The following FRMPD3 variants were observed in gnomAD, a reference collection of about 807,000 sequenced individuals.
FRMPD3 encodes the protein FERM and PDZ domain-containing protein 3.
FRMPD3 carries 42 observed loss-of-function variants against 97.9 expected under a neutral mutation model. That is an observed-to-expected ratio of 0.43 (90% CI 0.34 to 0.55). The LOEUF (loss-of-function observed/expected upper bound fraction) is 0.55. Among genes scored for constraint, FRMPD3 ranks in the 20% least tolerant of loss-of-function variants. FRMPD3 has a pLI of 0.03. For missense variants in FRMPD3, 1,303 were observed against 1,457.7 expected (o/e 0.89, Z 1.73); for synonymous variants, 577 against 581.1 (o/e 0.99, Z 0.10).
chrX:107,549,924 C>T (rs924094724), intron 5 of FRMPD3, 125 bp from the exon 6 acceptor site: 17 of 478,074 alleles, frequency 3.6e-5, no homozygotes, highest in Middle Eastern at 4.2e-4. Flanking sequence ...TCTGTCTCTG[C>T]CCTCCTACAC....
chrX:107,485,341 C>T (rs1352394340), intron 1 of FRMPD3, among the ~76,000 whole-genome samples: 9 of 112,141 alleles, frequency 8.0e-5, no homozygotes, highest in African/African-American at 2.9e-4. Flanking sequence ...ATTTTCTTTT[C>T]GGGAGAAGGG....
chrX:107,567,545 G>A (rs1922657796), intron 12 of FRMPD3, among the ~76,000 whole-genome samples: 1 of 112,137 alleles, frequency 8.9e-6, no homozygotes, highest in Non-Finnish European at 1.9e-5. Context: ...AATTAGCAGA[G>A]AGAAGTGGGA....
Position 107,550,121 on chromosome X carries a change from A to G in FRMPD3, c.475A>G (p.Lys159Glu). The G allele has an allele frequency of 8.3e-7, 1 of 1,203,737 alleles. No homozygotes were observed. The highest frequency in any genetic ancestry group is 1.1e-6 in the Non-Finnish European group (1 of 889,739). ...LKVFLENGQI[K>E]SFTFDGRTTV... ...GGTTTTCTTAGAAAATGGGCAGATC[A>G]AGTCATTCACATTTGATGGTCGGAC... The change falls in exon 6 of 15, where the codon AAG becomes GAG. Residue 159 changes from lysine to glutamate, a missense_variant. Lys to Glu is a moderately conservative substitution (Grantham distance 56). Transcript: ENST00000683843.
chrX:107,461,302 A>G (rs1328017354), intron 1 of FRMPD3, among the ~76,000 whole-genome samples: 1 of 111,114 alleles, frequency 9.0e-6, no homozygotes, highest in Non-Finnish European at 1.9e-5. Context: ...CTTACCCTCC[A>G]CGCTGAAAGC....
chrX:107,492,265 C>A (rs1240106930), intron 1 of FRMPD3, among the ~76,000 whole-genome samples: 1 of 111,778 alleles, frequency 8.9e-6, no homozygotes, highest in Non-Finnish European at 1.9e-5. Flanking sequence ...AAACCAATGG[C>A]AATTCACAGC....
intron 4 of FRMPD3, among the ~76,000 whole-genome samples, chrX:107,534,466 G>A (rs1156264267): frequency 1.8e-5 from 2 of 110,995 alleles, no homozygotes; most frequent in African/African-American, 6.6e-5. Context: ...AGGCTTCAAG[G>A]AGGAGGCTGC....
intron 1 of FRMPD3, among the ~76,000 whole-genome samples, chrX:107,520,031 A>G (rs1159482340): frequency 9.0e-6 from 1 of 111,191 alleles, no homozygotes; most frequent in Non-Finnish European, 1.9e-5. Context: ...GAAAAATGGG[A>G]TAAGAGTGTA....
At chrX:107,480,824 C>CA (rs59051211) in intron 1 of FRMPD3, among the ~76,000 whole-genome samples, 419 of 30,913 alleles carry the variant, frequency 0.014, 4 homozygotes, top group African/African-American at 0.034. Flanking sequence ...GAAACTCCGT[C>CA]AAAAAAAAAA....
intron 4 of FRMPD3, among the ~76,000 whole-genome samples, chrX:107,537,366 T>C (rs1921034325): frequency 8.9e-6 from 1 of 111,864 alleles, no homozygotes; most frequent in East Asian, 2.8e-4. Flanking sequence ...GCTGGGAATA[T>C]AGCAGTGCAC....
intron 4 of FRMPD3, among the ~76,000 whole-genome samples, chrX:107,539,164 C>T (rs1287341153): frequency 1.8e-5 from 2 of 112,247 alleles, no homozygotes; most frequent in East Asian, 2.8e-4. Flanking sequence ...TGAAAAGGCT[C>T]ACCAAATGAT....
In FRMPD3 at chrX:107,565,016, C is replaced by T. The variant is rs753907921; in HGVS notation, c.1246C>T (p.Arg416Trp). 4.7e-5 allele frequency: 56 copies of T among 1,203,664 alleles called. No homozygotes were observed. The highest frequency in any genetic ancestry group is 1.4e-4 in the African/African-American group (8 of 57,170). Residue 416 changes from arginine (R) to tryptophan (W), a missense_variant, in exon 12 of 15, where the codon CGG becomes TGG. Around this residue, in one of 3 missense-constraint regions of FRMPD3, gnomAD observed 535 missense variants for 618.6 expected, o/e 0.86. Transcript: ENST00000683843. ...CAAGATCAGCAAGATCCAGCTGTTC[C>T]GGGAGAACCAGGGCGTGGCCCGGGT... is the stretch of plus-strand genomic sequence containing the variant. ...FSKISKIQLF[R>W]ENQGVARVET...
At chrX:107,541,810 G>A (rs1411378615) in intron 4 of FRMPD3, among the ~76,000 whole-genome samples, 2 of 112,352 alleles carry the variant, frequency 1.8e-5, no homozygotes, top group East Asian at 2.8e-4. Context: ...AGCCTGCTGT[G>A]GGGGAACAAC....
At chrX:107,514,640 C>T (rs947976718) in intron 1 of FRMPD3, among the ~76,000 whole-genome samples, 3 of 109,165 alleles carry the variant, frequency 2.7e-5, no homozygotes, top group Non-Finnish European at 5.7e-5. Flanking sequence ...ATTCTCCTGC[C>T]TCAGCCTCCC....
rs1288173889 is a variant in FRMPD3 at position 107,604,261 on chromosome X, C to G, written c.*888C>G. The G allele has an allele frequency of 1.6e-5, 1 of 62,225 alleles. No individual in the cohort carries two copies. Among genetic ancestry groups the G allele is most frequent in the Non-Finnish European group, 2.8e-5 (1 of 35,203 alleles). 5.1% of individuals were successfully genotyped at this position (62,225 alleles called of 1,213,427 possible). On this transcript the variant is annotated 3_prime_UTR_variant, in exon 15 of 15. Transcript: ENST00000683843. ...AGACAGACTGTCCTTGGGAGTTTGACTTAGCTGTGGATCGGGGAGGGGGGT... is the reference window on the plus strand; with the variant it reads ...AGACAGACTGTCCTTGGGAGTTTGAGTTAGCTGTGGATCGGGGAGGGGGGT...
In FRMPD3 at chrX:107,604,969, G is replaced by C. The variant is rs1202609789; in HGVS notation, c.*1596G>C. The C allele has an allele frequency of 2.7e-5, 3 of 109,668 alleles. No homozygotes were observed. Among genetic ancestry groups the C allele is most frequent in the Non-Finnish European group, 5.7e-5 (3 of 52,714 alleles). 9.0% of individuals were successfully genotyped at this position (109,668 alleles called of 1,213,427 possible). A position where few individuals can be genotyped will look rare whatever the true frequency, so the allele number is the denominator to read the frequency against. On this transcript the variant is annotated 3_prime_UTR_variant, in exon 15 of 15. Transcript: ENST00000683843. The stretch of plus-strand genomic sequence containing the variant: ...TCTCCTCCCCCAGGACCAAGTTGTT[G>C]AATGGGCCAGAGATGCAGCCAGTGG...
At chrX:107,585,120 A>G (rs1923586724) in intron 13 of FRMPD3, among the ~76,000 whole-genome samples, 1 of 111,250 alleles carries the variant, frequency 9.0e-6, no homozygotes, top group Admixed American at 9.6e-5. Context: ...CATTTCCTTG[A>G]GCAGTGGTTT....
intron 4 of FRMPD3, among the ~76,000 whole-genome samples, chrX:107,534,963 A>G (rs1164869682): frequency 8.9e-6 from 1 of 112,092 alleles, no homozygotes; most frequent in Non-Finnish European, 1.9e-5. Context: ...GTTGTTACCA[A>G]TAGTCCCCTC....
At chrX:107,477,351 G>A (rs1694363043) in intron 1 of FRMPD3, among the ~76,000 whole-genome samples, 1 of 108,835 alleles carries the variant, frequency 9.2e-6, no homozygotes, top group Non-Finnish European at 1.9e-5. Context: ...CAGGAGGGGG[G>A]CTGGGGGGTG....
chrX:107,506,963 T>C (rs1462164313), intron 1 of FRMPD3, among the ~76,000 whole-genome samples: 1 of 110,901 alleles, frequency 9.0e-6, no homozygotes, highest in African/African-American at 3.3e-5. Flanking sequence ...ACGAGAGGGT[T>C]CCCGGGCCGG....
Sources: gnomAD v4.1 joint callset for allele counts (sites outside exome capture counted in the v4.1 genomes callset) on GRCh38, gnomAD v4.1.1 for gene constraint, gnomAD v4.1.1 regional missense constraint, MANE v1.5 for transcripts, NCBI Gene and HGNC (gene_info 2026-07-23, HGNC 2026-07-21) for gene names.